Variants in HGH1 observed in about 807,000 individuals in gnomAD.
The protein encoded by HGH1 is HGH1 cochaperone.
HGH1 carries 31 observed loss-of-function variants against 31.7 expected under a neutral mutation model. That is an observed-to-expected ratio of 0.98 (90% confidence interval 0.73 to 1.32). HGH1 has a LOEUF of 1.32. Among genes scored for constraint, HGH1 ranks in the 40% most tolerant of loss-of-function variants. The probability of loss-of-function intolerance (pLI) is 0.00; values close to 1 mark genes in which losing one functional copy is unlikely to be tolerated. For synonymous variants in HGH1, 284 were observed against 293.6 expected, an observed-to-expected ratio of 0.97 and a Z score of 0.34; for missense variants, 618 against 594.4, an observed-to-expected ratio of 1.04 and a Z score of -0.41.
At chr8:144,138,629 G>T (rs1815133910) in intron 2 of HGH1, 22 bp downstream of exon 2, 2 of 1,603,724 alleles carry the variant, frequency 1.2e-6, no homozygotes, top group Non-Finnish European at 1.7e-6. Context: ...GTGTGGCGGG[G>T]GTGCGTTGCC....
Position 144,139,120 on chromosome 8 carries a change from C to T in HGH1, c.885+20C>T, listed in dbSNP as rs1180080013. On this transcript the variant is annotated intron_variant, in intron 4 of 5. Transcript: ENST00000347708. ...ATGCTGGTGAGCAGGAGCCCTGCTG[C>T]AATAAGCACCACCCCAACACACACA... The T allele has an allele frequency of 6.2e-7, 1 of 1,613,992 alleles. No homozygotes were observed. The highest frequency in any genetic ancestry group is 1.7e-5 in the Admixed American group (1 of 60,010).
Position 144,139,032 on chromosome 8 carries a change from C to T in HGH1, c.817C>T (p.Leu273=), listed in dbSNP as rs1815144981. ...AGGGCTGCCTGTCGACTTGCAGTAC[C>T]TGCCACCAGACAAGCAGCGAGAACC... The part of the protein sequence containing the change: ...MERLPVDLQY[L]PPDKQREPDA... Residue 273 remains leucine (L), a synonymous_variant, in exon 4 of 6, where the codon CTG becomes TTG. Transcript: ENST00000347708. The T allele has an allele frequency of 6.2e-7, 1 of 1,613,988 alleles. No individual in the cohort carries two copies. The highest frequency in any genetic ancestry group is 8.5e-7 in the Non-Finnish European group (1 of 1,179,870).
Position 144,138,528 on chromosome 8 carries a change from G to A in HGH1, c.615G>A (p.Leu205=). Residue 205 remains leucine (L), a synonymous_variant, in exon 2 of 6, where the codon CTG becomes CTA. Transcript: ENST00000347708. ...ACAGGTGCGTGGTCCAGCGGCTGCT[G>A]CCCCTTACCCAGTACCCCGACTCCT... ...DPDRCVVQRL[L]PLTQYPDSSV... The A allele has an allele frequency of 6.2e-7, 1 of 1,611,312 alleles. No individual in the cohort carries two copies. The highest frequency in any genetic ancestry group is 8.5e-7 in the Non-Finnish European group (1 of 1,179,226).
Position 144,138,215 on chromosome 8 carries a change from C to T in HGH1, c.380C>T (p.Ala127Val). 1 of 1,368,386 alleles carries T rather than the reference C, an allele frequency of 7.3e-7. No homozygotes were observed. Among genetic ancestry groups the T allele is most frequent in the Non-Finnish European group, 9.4e-7 (1 of 1,068,770 alleles). 84.8% of individuals were successfully genotyped at this position (1,368,386 alleles called of 1,614,324 possible). Residue 127 changes from alanine (A) to valine (V), a missense_variant, in exon 1 of 6, where the codon GCG becomes GTG. Coordinates refer to ENST00000347708, the MANE Select transcript of HGH1 (RefSeq NM_016458.4). ...CCCTGGGCCGAGGAGGCGGCCGCCG[C>T]GCTAGCCAACCTCAGTCGCGAGCCG... ...QWPWAEEAAAALANLSREPAP... is the reference protein window; with the variant it reads ...QWPWAEEAAAVLANLSREPAP...
In HGH1 at chr8:144,139,210, C is replaced by G; in HGVS notation, c.907C>G (p.Arg303Gly). 1 of 1,613,992 alleles carries G rather than the reference C, an allele frequency of 6.2e-7. No individual in the cohort carries two copies. The highest frequency in any genetic ancestry group is 8.5e-7 in the Non-Finnish European group (1 of 1,179,870). ...IMLLTATAPG[R>G]QQVRDQGAYL... is the part of the protein sequence containing the mutation. ...TCAGCTGACAGCCACAGCACCAGGTCGGCAGCAGGTGCGGGACCAGGGAGC... is the reference window on the plus strand; with the variant it reads ...TCAGCTGACAGCCACAGCACCAGGTGGGCAGCAGGTGCGGGACCAGGGAGC... Residue 303 changes from arginine (R) to glycine (G), a missense_variant, in exon 5 of 6, where the codon CGG becomes GGG. Coordinates refer to ENST00000347708, the MANE Select transcript of HGH1 (RefSeq NM_016458.4).
Position 144,140,039 on chromosome 8 carries a change from G to T in HGH1, c.*487G>T. The T allele has an allele frequency of 4.3e-6, 1 of 233,836 alleles. No homozygotes were observed. Among genetic ancestry groups the T allele is most frequent in the Non-Finnish European group, 8.5e-6 (1 of 117,820 alleles). The allele number at this position is 233,836 out of a possible 1,614,324, so 14.5% of individuals were successfully genotyped here. On this transcript the variant is annotated 3_prime_UTR_variant, in exon 6 of 6. Coordinates refer to ENST00000347708, the MANE Select transcript of HGH1 (RefSeq NM_016458.4). ...CTGTTCCCTGAGACCTGGCCTCAAA[G>T]GGCTGACCCAGCCATACGTAGATCC... is the stretch of plus-strand genomic sequence containing the variant.
rs1359874710 is a variant in HGH1 at position 144,138,440 on chromosome 8, G to A, written c.593+12G>A. ...CTGGACCCCGACAGGTGAAGCCCAGGGCGCCCGCGCGGGCGGGGAGGGGAC... is the reference window on the plus strand; with the variant it reads ...CTGGACCCCGACAGGTGAAGCCCAGAGCGCCCGCGCGGGCGGGGAGGGGAC... On this transcript the variant is annotated intron_variant, in intron 1 of 5. Transcript: ENST00000347708. 8.2e-6 allele frequency: 13 copies of A among 1,587,152 alleles called. No homozygotes were observed. In the Admixed American group the frequency reaches 2.2e-4, roughly 27 times the overall value.
chr8:144,138,994 C>T lies in HGH1; in HGVS notation c.794-15C>T, dbSNP rs1174791671. 7 of 1,612,628 alleles carry T rather than the reference C, an allele frequency of 4.3e-6. No individual in the cohort carries two copies. The East Asian group carries it at 1.1e-4, about 26-fold the overall frequency. ...CAGCCCAGGGACACAGTGGCTCCCA[C>T]ACACTCACCCCTAGGGCTGCCTGTC... On this transcript the variant is annotated splice_polypyrimidine_tract_variant and intron_variant, in intron 3 of 5. Coordinates refer to ENST00000347708, the MANE Select transcript of HGH1 (RefSeq NM_016458.4).
chr8:144,139,960 C>T lies in HGH1; in HGVS notation c.*408C>T, dbSNP rs1031133565. ...ACTGCAGAGTCTGGGCAGAGGTGGG[C>T]GCATAGGTACAAGTGCTGCTTTGTC... On this transcript the variant is annotated 3_prime_UTR_variant, in exon 6 of 6. Coordinates refer to ENST00000347708, the MANE Select transcript of HGH1 (RefSeq NM_016458.4). The T allele has an allele frequency of 1.9e-5, 6 of 323,100 alleles. No individual in the cohort carries two copies. The highest frequency in any genetic ancestry group is 9.3e-5 in the Admixed American group (2 of 21,462). 20.0% of individuals were successfully genotyped at this position (323,100 alleles called of 1,614,324 possible).
Position 144,138,953 on chromosome 8 carries a change from G to C in HGH1, c.794-56G>C, listed in dbSNP as rs963613306. 37 of 1,603,364 alleles carry C rather than the reference G, an allele frequency of 2.3e-5. No individual in the cohort carries two copies. The South Asian group carries it at 2.8e-4, about 12-fold the overall frequency. ...CACAGGTGGGACTTACACAGGCAGAGCCTGGCTCAGCTGCCCAGCCCAGGG... is the reference window on the plus strand; with the variant it reads ...CACAGGTGGGACTTACACAGGCAGACCCTGGCTCAGCTGCCCAGCCCAGGG... On this transcript the variant is annotated intron_variant, in intron 3 of 5. Transcript: ENST00000347708.
In HGH1 at chr8:144,140,100, C is replaced by G. The variant is rs1815167983; in HGVS notation, c.*548C>G. 2 of 181,258 alleles carry G rather than the reference C, an allele frequency of 1.1e-5. No individual in the cohort carries two copies. Among genetic ancestry groups the G allele is most frequent in the Non-Finnish European group, 2.4e-5 (2 of 84,290 alleles). The allele number at this position is 181,258 out of a possible 1,614,324, so 11.2% of individuals were successfully genotyped here. On this transcript the variant is annotated 3_prime_UTR_variant, in exon 6 of 6. Transcript: ENST00000347708. Reference sequence around the variant, plus strand: ...CTAGGACTGTGCCTCCCTGCTTGACCTATGCTCCAGGACCCTGCCCTCAAC... The same window carrying G: ...CTAGGACTGTGCCTCCCTGCTTGACGTATGCTCCAGGACCCTGCCCTCAAC...
In HGH1 at chr8:144,138,439, G is replaced by A. The variant is rs964802693; in HGVS notation, c.593+11G>A. ...ACTGGACCCCGACAGGTGAAGCCCAGGGCGCCCGCGCGGGCGGGGAGGGGA... is the reference window on the plus strand; with the variant it reads ...ACTGGACCCCGACAGGTGAAGCCCAAGGCGCCCGCGCGGGCGGGGAGGGGA... On this transcript the variant is annotated intron_variant, in intron 1 of 5. Coordinates refer to ENST00000347708, the MANE Select transcript of HGH1 (RefSeq NM_016458.4). The A allele has an allele frequency of 1.3e-6, 2 of 1,586,528 alleles. No individual in the cohort carries two copies. Among genetic ancestry groups the A allele is most frequent in the Non-Finnish European group, 8.5e-7 (1 of 1,173,728 alleles).
rs1038361576 is a variant in HGH1, at chr8:144,138,361, C to T, written c.526C>T (p.Leu176=). 1.6e-5 allele frequency: 25 copies of T among 1,574,206 alleles called. No homozygotes were observed. Among genetic ancestry groups the T allele is most frequent in the Non-Finnish European group, 2.1e-5 (25 of 1,169,752 alleles). ...CAACGCCCGCGCGCCCCTGCACTAC[C>T]TAGCGCCGCTGCTCTCCAACCTCAG... The part of the protein sequence containing the change: ...GYNARAPLHY[L]APLLSNLSQR... The change falls in exon 1 of 6, where the codon CTA becomes TTA. Residue 176 remains leucine (L), a synonymous_variant. Coordinates refer to ENST00000347708, the MANE Select transcript of HGH1 (RefSeq NM_016458.4).
chr8:144,139,038 C>G lies in HGH1; in HGVS notation c.823C>G (p.Pro275Ala). 2.5e-6 allele frequency: 4 copies of G among 1,613,990 alleles called. No homozygotes were observed. The highest frequency in any genetic ancestry group is 3.4e-6 in the Non-Finnish European group (4 of 1,179,856). ...RLPVDLQYLP[P>A]DKQREPDADI... ...GCCTGTCGACTTGCAGTACCTGCCACCAGACAAGCAGCGAGAACCTGATGC... is the reference window on the plus strand; with the variant it reads ...GCCTGTCGACTTGCAGTACCTGCCAGCAGACAAGCAGCGAGAACCTGATGC... The change falls in exon 4 of 6, where the codon CCA becomes GCA. Residue 275 changes from proline to alanine, a missense_variant. Physicochemically the swap from Pro to Ala is conservative, Grantham distance 27. Transcript: ENST00000347708.
rs1815170606 is a variant in HGH1 at position 144,140,229 on chromosome 8, C to G, written c.*677C>G. 6.4e-6 allele frequency: 1 copy of G among 156,722 alleles called. No homozygotes were observed. Among genetic ancestry groups the G allele is most frequent in the Non-Finnish European group, 1.4e-5 (1 of 70,830 alleles). 9.7% of individuals were successfully genotyped at this position (156,722 alleles called of 1,614,324 possible). On this transcript the variant is annotated 3_prime_UTR_variant, in exon 6 of 6. Transcript: ENST00000347708. ...GTCTCCCTGGTCAGCTTCCTTGAGC[C>G]TGGGCCACTCCTCCCTGGCCTTCTT...
In HGH1 at chr8:144,139,020, G is replaced by A; in HGVS notation, c.805G>A (p.Asp269Asn). 6.2e-7 allele frequency: 1 copy of A among 1,613,852 alleles called. No individual in the cohort carries two copies. The highest frequency in any genetic ancestry group is 8.5e-7 in the Non-Finnish European group (1 of 1,179,796). ...ACACTCACCCCTAGGGCTGCCTGTC[G>A]ACTTGCAGTACCTGCCACCAGACAA... ...SEEEMERLPV[D>N]LQYLPPDKQR... The change falls in exon 4 of 6, where the codon GAC (aspartate) becomes AAC (asparagine). Residue 269 changes from aspartate to asparagine, a missense_variant. Transcript: ENST00000347708.
rs1278985917 is a variant in HGH1 at position 144,138,138 on chromosome 8, C to G, written c.303C>G (p.Ala101=). ...DPGLHETLLA[A]DPGLPARLMG... ...GCCTGCACGAGACATTGCTGGCGGCCGACCCCGGGCTGCCAGCGCGCCTGA... is the reference window on the plus strand; with the variant it reads ...GCCTGCACGAGACATTGCTGGCGGCGGACCCCGGGCTGCCAGCGCGCCTGA... Residue 101 remains alanine (A), a synonymous_variant, in exon 1 of 6, where the codon GCC becomes GCG. Coordinates refer to ENST00000347708, the MANE Select transcript of HGH1 (RefSeq NM_016458.4). The G allele has an allele frequency of 1.7e-4, 224 of 1,304,722 alleles. 3 individuals carry two copies. In the Admixed American group the frequency reaches 7.7e-3, roughly 45 times the overall value. The allele number at this position is 1,304,722 out of a possible 1,614,324, so 80.8% of individuals were successfully genotyped here.
Position 144,139,647 on chromosome 8 carries a change from C to T in HGH1, c.*95C>T. 1.3e-6 allele frequency: 2 copies of T among 1,511,572 alleles called. No homozygotes were observed. Among genetic ancestry groups the T allele is most frequent in the Non-Finnish European group, 1.8e-6 (2 of 1,122,270 alleles). The allele number at this position is 1,511,572 out of a possible 1,614,324, so 93.6% of individuals were successfully genotyped here. A position where few individuals can be genotyped will look rare whatever the true frequency, so the allele number is the denominator to read the frequency against. ...GCTGTCTGCAGGCCCCCTGGGTCCC[C>T]TTGTTCAGAGACTGTGCTCTTCTGA... On this transcript the variant is annotated 3_prime_UTR_variant, in exon 6 of 6. Coordinates refer to ENST00000347708, the MANE Select transcript of HGH1 (RefSeq NM_016458.4).
intron 5 of HGH1, 31 bp downstream of exon 5, chr8:144,139,342 G>C: frequency 6.2e-7 from 1 of 1,613,950 alleles, no homozygotes; most frequent in Non-Finnish European, 8.5e-7. Context: ...GCTGGGGAAG[G>C]GGTGTCTGTA....
Sources: gnomAD v4.1 joint callset for allele counts on GRCh38, gnomAD v4.1.1 for gene constraint, MANE v1.5 for transcripts, NCBI Gene and HGNC (gene_info 2026-07-23, HGNC 2026-07-21) for gene names.